The following NDST2 variants were observed in gnomAD, a reference collection of about 807,000 sequenced individuals.
NDST2 encodes the protein bifunctional heparan sulfate N-deacetylase/N-sulfotransferase 2.
A neutral mutation model predicts 86.9 loss-of-function variants in NDST2; 32 were observed. The observed-to-expected ratio is 0.37, with a 90% CI of 0.28 to 0.49. NDST2 has a LOEUF of 0.49. NDST2 is among the 20% of genes least tolerant of loss of function. NDST2 has a pLI of 0.97. For missense variants in NDST2, 950 were observed against 1,146.9 expected, an observed-to-expected ratio of 0.83 and a Z score of 2.48; for synonymous variants, 409 against 437.0, an observed-to-expected ratio of 0.94 and a Z score of 0.80.
intron 3 of NDST2, 38 bp downstream of exon 3, chr10:73,807,346 A>C (rs930946515): frequency 1.2e-6 from 2 of 1,608,114 alleles, no homozygotes; most frequent in African/African-American, 2.7e-5. Context: ...CAGAGTGTGA[A>C]TAGCTTCTAA....
Position 73,807,140 on chromosome 10 carries a change from T to G in NDST2, c.1061A>C (p.Asn354Thr). Reference sequence around the variant, plus strand: ...ATAGAACTTGCCCGAGAAGCCCAAGTTGAAGGTGAAGTTGGGAACTAAGGT... The same window carrying G: ...ATAGAACTTGCCCGAGAAGCCCAAGGTGAAGGTGAAGTTGGGAACTAAGGT... Reference protein sequence around the residue: ...LRTLVPNFTFNLGFSGKFYHT... With the variant: ...LRTLVPNFTFTLGFSGKFYHT... Residue 354 changes from asparagine to threonine, a missense_variant, in exon 4 of 15, where the codon AAC (asparagine) becomes ACC (threonine). Around this residue, in one of 5 missense-constraint regions of NDST2, gnomAD observed 586 missense variants for 714.0 expected, o/e 0.82. Coordinates refer to ENST00000309979, the MANE Select transcript of NDST2 (RefSeq NM_003635.4). The G allele has an allele frequency of 5.6e-6, 9 of 1,612,852 alleles. No homozygotes were observed. Among genetic ancestry groups the G allele is most frequent in the Non-Finnish European group, 7.6e-6 (9 of 1,179,660 alleles).
chr10:73,807,456 G>T lies in NDST2; in HGVS notation c.933C>A (p.Arg311=). 6.2e-7 allele frequency: 1 copy of T among 1,614,206 alleles called. No homozygotes were observed. The highest frequency in any genetic ancestry group is 1.1e-5 in the South Asian group (1 of 91,084). The change falls in exon 3 of 15, where the codon CGC becomes CGA. Residue 311 remains arginine (R), a synonymous_variant. Transcript: ENST00000309979. ...TGKRLCLDLD[R]YILVDIDDIF... ...TGTCATCGATGTCTACCAAGATGTA[G>T]CGGTCAAGGTCCAGGCAGAGGCGCT...
chr10:73,804,637 C>CA (rs540403202), intron 9 of NDST2, 136 bp downstream of exon 9: 13,831 of 358,552 alleles, frequency 0.039, no homozygotes, highest in South Asian at 0.05. Flanking sequence ...ACTCTTATCT[C>CA]AAAAAAAAAA....
intron 2 of NDST2, among the ~76,000 whole-genome samples, chr10:73,810,000 T>C (rs1466416975): frequency 1.3e-5 from 2 of 151,978 alleles, no homozygotes; most frequent in Non-Finnish European, 2.9e-5. Flanking sequence ...GCCTCCTGAG[T>C]CTGTTCTTTT....
intron 8 of NDST2, 151 bp downstream of exon 8, chr10:73,805,436 C>T (rs1033694059): frequency 2.8e-5 from 20 of 716,994 alleles, no homozygotes; most frequent in Non-Finnish European, 3.8e-5. Context: ...ATCGCTTGAA[C>T]CTGGGAGGTG....
chr10:73,806,949 G>C lies in NDST2; in HGVS notation c.1094-138C>G. ...TGCCCCACTGCCAACTTGCCATCCA[G>C]CCACCCATGCGAACCTAAATTCATG... On this transcript the variant is annotated intron_variant, in intron 4 of 14. Transcript: ENST00000309979. The surrounding 1 kb of genome is among the most constrained non-coding windows in gnomAD (Gnocchi z 4.5). 2 of 1,488,874 alleles carry C rather than the reference G, an allele frequency of 1.3e-6. No individual in the cohort carries two copies. The highest frequency in any genetic ancestry group is 1.8e-6 in the Non-Finnish European group (2 of 1,083,334). The allele number at this position is 1,488,874 out of a possible 1,614,324, so 92.2% of individuals were successfully genotyped here.
chr10:73,811,340 G>C (rs1226089458), intron 1 of NDST2, 134 bp downstream of exon 1: 1 of 153,800 alleles, frequency 6.5e-6, no homozygotes, highest in Non-Finnish European at 1.4e-5. Context: ...CCGGCGGAAA[G>C]GACCCGGGGC....
rs963699728 is a variant in NDST2 at position 73,803,687 on chromosome 10, C to T, written c.2029G>A (p.Ala677Thr). Residue 677 changes from alanine to threonine, a missense_variant, in exon 11 of 15, where the codon GCC (alanine) becomes ACC (threonine). Transcript: ENST00000309979. ...ACAACTTCAGAGTCAAAGTAGGTGG[C>T]ACTTTTTTCAAATAGGAAATCAGTG... is the stretch of plus-strand genomic sequence containing the variant. ...ASTDFLFEKS[A>T]TYFDSEVVPR... 6.2e-7 allele frequency: 1 copy of T among 1,614,004 alleles called. No individual in the cohort carries two copies. The highest frequency in any genetic ancestry group is 1.3e-5 in the African/African-American group (1 of 74,902).
Position 73,806,363 on chromosome 10 carries a change from C to A in NDST2, c.1360G>T (p.Val454Leu). Residue 454 changes from valine (V) to leucine (L), a missense_variant, in exon 6 of 15, where the codon GTG becomes TTG. Transcript: ENST00000309979. This position sits in a 1 kb window ranked among gnomAD's most constrained non-coding sequence, Gnocchi z 4.5. ...TGGGGATACTCCTCAGTGCTGGTCA[C>A]CTGGATGCCCCACACGGATTTCCAG... is the stretch of plus-strand genomic sequence containing the variant. ...EAWKSVWGIQVTSTEEYPHLR... is the reference protein window; with the variant it reads ...EAWKSVWGIQLTSTEEYPHLR... 1.2e-6 allele frequency: 2 copies of A among 1,614,178 alleles called. No homozygotes were observed. The highest frequency in any genetic ancestry group is 2.2e-5 in the South Asian group (2 of 91,082).
chr10:73,810,902 AC>A lies in NDST2; in HGVS notation c.-446del. ...CTTAGCCGCTGCATTTTAGCTTCATACCTGGAAGAAGCAGCAAGGTTTAGGG... is the reference window on the plus strand; with the variant it reads ...CTTAGCCGCTGCATTTTAGCTTCATACTGGAAGAAGCAGCAAGGTTTAGGG... On this transcript the variant is annotated splice_region_variant and 5_prime_UTR_variant, in exon 2 of 15. An upstream open reading frame in the 5' UTR loses its in-frame stop. Coordinates refer to ENST00000309979, the MANE Select transcript of NDST2 (RefSeq NM_003635.4). 1 of 399,102 alleles carries A rather than the reference AC, an allele frequency of 2.5e-6. No individual in the cohort carries two copies. The allele number at this position is 399,102 out of a possible 1,614,324, so 24.7% of individuals were successfully genotyped here. A position where few individuals can be genotyped will look rare whatever the true frequency, so the allele number is the denominator to read the frequency against.
rs2084069379 is a variant in NDST2 at position 73,804,795 on chromosome 10, G to A, written c.1821C>T (p.Leu607=). Residue 607 remains leucine, a synonymous_variant, in exon 9 of 15, where the codon CTC becomes CTT. Transcript: ENST00000309979. ...CACCTGTTTTCTGGGGTCCCACAAT[G>A]AGGAACTTCGGGAGACGATCACAGG... ...EKTCDRLPKF[L]IVGPQKTGTT... 3 of 1,613,208 alleles carry A rather than the reference G, an allele frequency of 1.9e-6. No individual in the cohort carries two copies. The highest frequency in any genetic ancestry group is 2.5e-6 in the Non-Finnish European group (3 of 1,179,394).
chr10:73,802,646 G>A (rs770556017), intron 14 of NDST2, 28 bp downstream of exon 14: 1 of 1,614,014 alleles, frequency 6.2e-7, no homozygotes, highest in South Asian at 1.1e-5. Context: ...AAGTGGAGAG[G>A]GATTCCCCTG....
chr10:73,804,205 A>G, intron 9 of NDST2, 189 bp from the exon 10 acceptor site: 1 of 587,164 alleles, frequency 1.7e-6, no homozygotes, highest in Non-Finnish European at 3.0e-6. Context: ...TCTCTGCTTT[A>G]ACTGTGCACC....
chr10:73,804,027 G>C lies in NDST2; in HGVS notation c.1844-11C>G. The C allele has an allele frequency of 6.2e-7, 1 of 1,612,182 alleles. No homozygotes were observed. The highest frequency in any genetic ancestry group is 8.5e-7 in the Non-Finnish European group (1 of 1,179,030). On this transcript the variant is annotated splice_polypyrimidine_tract_variant and intron_variant, in intron 9 of 14. Coordinates refer to ENST00000309979, the MANE Select transcript of NDST2 (RefSeq NM_003635.4). Reference sequence around the variant, plus strand: ...GAATAGCTGTAGTCCCTAAATGGGAGAGAAAGACCAGCTTCAGGCAGCCAT... The same window carrying C: ...GAATAGCTGTAGTCCCTAAATGGGACAGAAAGACCAGCTTCAGGCAGCCAT...
Position 73,807,821 on chromosome 10 carries a change from AAAG to A in NDST2, c.565_567del (p.Leu189del). Reference sequence around the variant, plus strand: ...CGGAGCCCCAAGTTTGAGTGTAAAAAAAGGGGAAAGCCCTTGAGCTGGGCGCTC... The same window carrying A: ...CGGAGCCCCAAGTTTGAGTGTAAAAAGGGAAAGCCCTTGAGCTGGGCGCTC... On this transcript the variant is annotated inframe_deletion, in exon 3 of 15. Coordinates refer to ENST00000309979, the MANE Select transcript of NDST2 (RefSeq NM_003635.4). The A allele has an allele frequency of 6.2e-7, 1 of 1,614,178 alleles. No individual in the cohort carries two copies. Among genetic ancestry groups the A allele is most frequent in the South Asian group, 1.1e-5 (1 of 91,074 alleles).
chr10:73,803,548 C>T (rs2084044873), intron 11 of NDST2, 26 bp downstream of exon 11: 1 of 1,358,190 alleles, frequency 7.4e-7, no homozygotes, highest in Non-Finnish European at 1.0e-6. Context: ...AACCTTTAGC[C>T]TGTGTGTCCC....
Position 73,802,682 on chromosome 10 carries a change from C to G in NDST2, c.2518G>C (p.Asp840His), listed in dbSNP as rs1246836611. ...CCCCTGGCTTTACTTACCTCAGTGTCCATATCTGGATACCTCCGGCCTTTG... is the reference window on the plus strand; with the variant it reads ...CCCCTGGCTTTACTTACCTCAGTGTGCATATCTGGATACCTCCGGCCTTTG... ...RSKGRRYPDM[D>H]TESRLFLTDF... The change falls in exon 14 of 15, where the codon GAC becomes CAC. Residue 840 changes from aspartate (D) to histidine (H), a missense_variant. Around this residue, in one of 5 missense-constraint regions of NDST2, gnomAD observed 303 missense variants for 323.7 expected, o/e 0.94. Coordinates refer to ENST00000309979, the MANE Select transcript of NDST2 (RefSeq NM_003635.4). The G allele has an allele frequency of 6.2e-7, 1 of 1,614,200 alleles. No individual in the cohort carries two copies. The highest frequency in any genetic ancestry group is 1.1e-5 in the South Asian group (1 of 91,088).
At position 73,802,903 on chromosome 10, in the gene NDST2, TAACAG is replaced by T. The variant is rs764223879; in HGVS notation, c.2423+64_2423+68del. The T allele has an allele frequency of 1.9e-6, 3 of 1,545,170 alleles. No individual in the cohort carries two copies. The South Asian group carries it at 3.3e-5, about 17-fold the overall frequency. On this transcript the variant is annotated intron_variant, in intron 13 of 14. Transcript: ENST00000309979. ...GTGAGACAGAGTAAATCTATGTCTC[TAACAG>T]ACATGGTCAACCTGCTTCCCCATTT...
intron 9 of NDST2, 101 bp from the exon 10 acceptor site, chr10:73,804,117 A>G (rs769039589): frequency 3.1e-5 from 44 of 1,439,090 alleles, no homozygotes; most frequent in Non-Finnish European, 4.0e-5. Context: ...CACTCTGGGT[A>G]GGAAAATCCC....
Sources: allele counts gnomAD v4.1 joint callset (sites outside exome capture counted in the v4.1 genomes callset), GRCh38; gene constraint gnomAD v4.1.1; regional missense constraint gnomAD v4.1.1; non-coding constraint Gnocchi (gnomAD v3.1); transcripts MANE v1.5; gene names NCBI Gene and HGNC (gene_info 2026-07-23, HGNC 2026-07-21).